The following HSPBAP1 variants were observed in gnomAD, a reference collection of about 807,000 sequenced individuals.
The protein encoded by HSPBAP1 is HSPB1-associated protein 1.
HSPBAP1 carries 27 observed loss-of-function variants against 45.2 expected under a neutral mutation model. The ratio of observed to expected loss-of-function variants is 0.60; its 90% CI spans 0.44 to 0.82. The LOEUF is 0.82. Ranked by LOEUF, HSPBAP1 falls within the 40% of genes least tolerant of loss-of-function variation. The pLI is 0.00. For synonymous variants in HSPBAP1, 204 were observed against 202.7 expected (o/e 1.01, Z -0.06); for missense variants, 510 against 590.9 (o/e 0.86, Z 1.42).
At chr3:122,746,695 G>A (rs1383723870) in intron 6 of HSPBAP1, among the ~76,000 whole-genome samples, 1 of 151,066 alleles carries the variant, frequency 6.6e-6, no homozygotes, top group Non-Finnish European at 1.5e-5. Flanking sequence ...GTCTCCCTCT[G>A]ATGCCGAGCC....
At chr3:122,793,181 A>G (rs1935889390) in intron 1 of HSPBAP1, among the ~76,000 whole-genome samples, 1 of 152,208 alleles carries the variant, frequency 6.6e-6, no homozygotes, top group African/African-American at 2.4e-5. Context: ...TGGGCCTCCA[A>G]ACCTCATCCC....
intron 1 of HSPBAP1, among the ~76,000 whole-genome samples, chr3:122,792,403 A>T (rs1935860046): frequency 6.6e-6 from 1 of 152,164 alleles, no homozygotes; most frequent in Non-Finnish European, 1.5e-5. Context: ...GGTGCAGTGG[A>T]TAGAAAATGG....
At chr3:122,746,728 A>G (rs1165472397) in intron 6 of HSPBAP1, among the ~76,000 whole-genome samples, 1 of 151,278 alleles carries the variant, frequency 6.6e-6, no homozygotes, top group Non-Finnish European at 1.5e-5. Context: ...TACTGCTGCC[A>G]TCTCGGCTCA....
intron 2 of HSPBAP1, among the ~76,000 whole-genome samples, chr3:122,769,850 T>C (rs1251456616): frequency 6.6e-6 from 1 of 152,196 alleles, no homozygotes; most frequent in African/African-American, 2.4e-5. Flanking sequence ...TGGCTAATTT[T>C]TGTATTTTTT....
In HSPBAP1 at chr3:122,783,428, G is replaced by A. The variant is rs1046237801; in HGVS notation, c.65-5522C>T. 3.9e-5 allele frequency among the ~76,000 whole-genome samples: 6 copies of A among 152,116 alleles called. No homozygotes were observed. The East Asian group carries it at 9.6e-4, about 24-fold the overall frequency. On this transcript the variant is annotated intron_variant, in intron 1 of 7. Coordinates refer to ENST00000306103, the MANE Select transcript of HSPBAP1 (RefSeq NM_024610.6). ...GAACACCCACATTTTTTTATTATAC[G>A]TTTTTAAAGTTTTGCTGTAGACTAC...
At chr3:122,793,477 A>G in intron 1 of HSPBAP1, 140 bp downstream of exon 1, 1 of 703,562 alleles carries the variant, frequency 1.4e-6, no homozygotes, top group Non-Finnish European at 2.5e-6. Flanking sequence ...TCACTAGAAA[A>G]TATAGATTTT....
At chr3:122,787,712 A>C (rs1935697791) in intron 1 of HSPBAP1, among the ~76,000 whole-genome samples, 1 of 152,178 alleles carries the variant, frequency 6.6e-6, no homozygotes, top group Non-Finnish European at 1.5e-5. Flanking sequence ...ACATATAAGA[A>C]AGTTTAAAAC....
chr3:122,767,207 C>A (rs1297990588), intron 3 of HSPBAP1, among the ~76,000 whole-genome samples: 1 of 152,192 alleles, frequency 6.6e-6, no homozygotes, highest in Non-Finnish European at 1.5e-5. Flanking sequence ...CTATGCATTT[C>A]TTTCATGGGT....
intron 4 of HSPBAP1, chr3:122,758,893 T>TA: frequency 1.7e-5 from 3 of 181,392 alleles, no homozygotes; most frequent in Non-Finnish European, 2.1e-5. Flanking sequence ...GTCTCTAATT[T>TA]ACCAAAAAAA....
chr3:122,778,318 G>A (rs1935261857), intron 1 of HSPBAP1, among the ~76,000 whole-genome samples: 1 of 149,878 alleles, frequency 6.7e-6, no homozygotes, highest in African/African-American at 2.4e-5. Flanking sequence ...CCAATTATAA[G>A]TTAATACACA....
intron 1 of HSPBAP1, among the ~76,000 whole-genome samples, chr3:122,790,750 G>A (rs559013928): frequency 2.6e-5 from 4 of 152,266 alleles, no homozygotes; most frequent in African/African-American, 9.6e-5. Flanking sequence ...GGGAGGCTGA[G>A]GTGGGAGCAT....
chr3:122,790,712 T>C (rs1431341812), intron 1 of HSPBAP1, among the ~76,000 whole-genome samples: 1 of 152,196 alleles, frequency 6.6e-6, no homozygotes, highest in Non-Finnish European at 1.5e-5. Context: ...CTGGGCACAG[T>C]GGCTTATGCC....
intron 6 of HSPBAP1, among the ~76,000 whole-genome samples, chr3:122,749,976 T>C (rs1934068108): frequency 6.7e-6 from 1 of 148,440 alleles, no homozygotes; most frequent in African/African-American, 2.5e-5. Context: ...CTGGTTTTCT[T>C]TCTTTTTTTT....
At chr3:122,764,016 T>C (rs1934688486) in intron 3 of HSPBAP1, among the ~76,000 whole-genome samples, 1 of 152,246 alleles carries the variant, frequency 6.6e-6, no homozygotes, top group Non-Finnish European at 1.5e-5. Context: ...GGTTCAGCCT[T>C]GGCTATGAAG....
chr3:122,771,973 C>CATT (rs1037393899), intron 2 of HSPBAP1, among the ~76,000 whole-genome samples: 5 of 144,866 alleles, frequency 3.5e-5, no homozygotes, highest in African/African-American at 1.3e-4. Context: ...ACTACCTAGG[C>CATT]TAATAAGTAG....
intron 2 of HSPBAP1, among the ~76,000 whole-genome samples, chr3:122,773,583 T>G: frequency 6.6e-6 from 1 of 152,050 alleles, no homozygotes; most frequent in Admixed American, 6.5e-5. Flanking sequence ...CCCAAAGTGC[T>G]AGGATTACAG....
At chr3:122,743,343 G>A (rs894317190) in intron 6 of HSPBAP1, among the ~76,000 whole-genome samples, 1 of 152,190 alleles carries the variant, frequency 6.6e-6, no homozygotes. Flanking sequence ...GCCAAGGCGG[G>A]TGGATCACCT....
chr3:122,778,222 T>G (rs533904934), intron 1 of HSPBAP1, among the ~76,000 whole-genome samples: 14 of 151,396 alleles, frequency 9.2e-5, no homozygotes, highest in African/African-American at 2.9e-4. Context: ...TTTGTTGTTT[T>G]TTTTTTTTAA....
rs746857422 is a variant in HSPBAP1 at position 122,740,413 on chromosome 3, C to T, written c.1399G>A (p.Asp467Asn). ...QTFISTDDLL[D>N]CLVNPQVTRI... The stretch of plus-strand genomic sequence containing the variant: ...GTTACTTGTGGATTCACCAAGCAGT[C>T]CAGCAAGTCATCCGTAGAAATGAAT... The change falls in exon 8 of 8, where the codon GAC (aspartate) becomes AAC (asparagine). Residue 467 changes from aspartate (D) to asparagine (N), a missense_variant. Asp to Asn is a conservative substitution (Grantham distance 23, BLOSUM62 1). Transcript: ENST00000306103. 25 of 1,613,700 alleles carry T rather than the reference C, an allele frequency of 1.5e-5. No individual in the cohort carries two copies. The highest frequency in any genetic ancestry group is 2.2e-5 in the East Asian group (1 of 44,886).
Sources: allele counts gnomAD v4.1 joint callset (sites outside exome capture counted in the v4.1 genomes callset), GRCh38; gene constraint gnomAD v4.1.1; transcripts MANE v1.5; gene names NCBI Gene and HGNC (gene_info 2026-07-23, HGNC 2026-07-21).